Variants in NPIPA8 observed in about 807,000 individuals in gnomAD.
NPIPA8 encodes the protein nuclear pore complex interacting protein family member A8, also known as nuclear pore complex-interacting protein family member A8.
A neutral mutation model predicts 7.1 loss-of-function variants in NPIPA8; 1 was observed. The ratio of observed to expected loss-of-function variants is 0.14; its 90% CI spans 0.05 to 0.66. The LOEUF (loss-of-function observed/expected upper bound fraction) is 0.66. Ranked by LOEUF, NPIPA8 falls within the 30% of genes least tolerant of loss-of-function variation. The pLI is 0.84.
At chr16:18,335,994 G>A (rs1900172193), upstream of NPIPA8, among the ~76,000 whole-genome samples, 2 of 151,688 alleles carry the variant, frequency 1.3e-5, no homozygotes, top group Non-Finnish European at 1.5e-5. Flanking sequence ...CTAAGTTTTT[G>A]TATTTGTAGT....
At chr16:18,324,800 TCACACACACACACACACA>T (rs529158643) in intron 2 of NPIPA8, among the ~76,000 whole-genome samples, 1 of 58,498 alleles carries the variant, frequency 1.7e-5, no homozygotes. Flanking sequence ...TGAGACTCTG[TCACACACACACACACACA>T]CACACACACA....
upstream of NPIPA8, among the ~76,000 whole-genome samples, chr16:18,335,450 TC>T (rs1299897279): frequency 8.7e-6 from 1 of 115,374 alleles, no homozygotes; most frequent in East Asian, 2.2e-4. Flanking sequence ...TCTGCCCGCC[TC>T]CGCCTCCCAA....
At chr16:18,335,464 T>G (rs1220867916), upstream of NPIPA8, among the ~76,000 whole-genome samples, 1 of 119,740 alleles carries the variant, frequency 8.4e-6, no homozygotes. Flanking sequence ...CCTCCCAAAG[T>G]GCTGGGATTA....
intron 4 of NPIPA8, among the ~76,000 whole-genome samples, chr16:18,323,818 GGAAAAAAAAAA>G (rs1900051249): frequency 4.4e-5 from 1 of 22,718 alleles, no homozygotes; most frequent in African/African-American, 1.9e-4. Context: ...CCCCATCTCA[GGAAAAAAAAAA>G]AAAAAAAAAA....
intron 4 of NPIPA8, among the ~76,000 whole-genome samples, chr16:18,323,785 C>T (rs1275605062): frequency 2.2e-5 from 2 of 91,376 alleles, no homozygotes; most frequent in East Asian, 6.3e-4. Flanking sequence ...CATTGAACTG[C>T]AGCCTGGGCA....
upstream of NPIPA8, among the ~76,000 whole-genome samples, chr16:18,335,980 C>T (rs1285762280): frequency 1.3e-5 from 2 of 151,486 alleles, no homozygotes; most frequent in Non-Finnish European, 2.9e-5. Context: ...GCCACCATGC[C>T]CAGCTAAGTT....
Sources: allele counts gnomAD v4.1 joint callset (sites outside exome capture counted in the v4.1 genomes callset), GRCh38; gene constraint gnomAD v4.1.1; transcripts MANE v1.5; gene names NCBI Gene and HGNC (gene_info 2026-07-23, HGNC 2026-07-21).